The following GNA14 variants were observed in gnomAD, a reference collection of about 807,000 sequenced individuals.
GNA14 encodes G protein subunit alpha 14, also known as guanine nucleotide-binding protein subunit alpha-14.
In GNA14, 50 loss-of-function variants were observed where a neutral mutation model predicts 42.0. The ratio of observed to expected loss-of-function variants is 1.19; its 90% CI spans 0.95 to 1.51. The LOEUF is 1.51. Ranked by LOEUF, GNA14 falls within the 40% of genes most tolerant of loss-of-function variation. The pLI is 0.00. For missense variants in GNA14, 473 were observed against 446.2 expected (o/e 1.06, Z -0.54); for synonymous variants, 173 against 163.1 (o/e 1.06, Z -0.46).
At chr9:77,551,519 C>CG (rs946171871) in intron 1 of GNA14, among the ~76,000 whole-genome samples, 15 of 151,882 alleles carry the variant, frequency 9.9e-5, no homozygotes, top group Admixed American at 2.6e-4. Flanking sequence ...ACCCACCCCC[C>CG]CTTCAAGTGA....
chr9:77,560,027 G>A (rs1397625492), intron 1 of GNA14, among the ~76,000 whole-genome samples: 1 of 152,046 alleles, frequency 6.6e-6, no homozygotes, highest in African/African-American at 2.4e-5. Flanking sequence ...TACCTAGCGA[G>A]CTTTAAAAAA....
chr9:77,555,524 A>G (rs951719827), intron 1 of GNA14, among the ~76,000 whole-genome samples: 2 of 152,170 alleles, frequency 1.3e-5, no homozygotes, highest in Non-Finnish European at 2.9e-5. Flanking sequence ...AAACATCCCC[A>G]CATATATGCC....
chr9:77,625,149 G>A (rs1027823872), intron 1 of GNA14, among the ~76,000 whole-genome samples: 8 of 151,670 alleles, frequency 5.3e-5, no homozygotes, highest in Non-Finnish European at 7.4e-5. Context: ...GCAGAAGAAA[G>A]GGTATCAGAG....
intron 1 of GNA14, among the ~76,000 whole-genome samples, chr9:77,568,127 C>A (rs141971503): frequency 6.6e-6 from 1 of 152,204 alleles, no homozygotes; most frequent in Non-Finnish European, 1.5e-5. Context: ...CAGGTCCTGG[C>A]TCACCTAGCA....
At chr9:77,569,233 A>G (rs1165418054) in intron 1 of GNA14, among the ~76,000 whole-genome samples, 1 of 151,800 alleles carries the variant, frequency 6.6e-6, no homozygotes. Context: ...TGCTATTAAT[A>G]TATGTTTCAA....
intron 1 of GNA14, among the ~76,000 whole-genome samples, chr9:77,531,067 CT>C (rs1161162599): frequency 5.3e-5 from 8 of 152,346 alleles, no homozygotes; most frequent in African/African-American, 1.9e-4. Context: ...CTCAAAGTGC[CT>C]TGGATACCCA....
chr9:77,434,309 A>T, intron 3 of GNA14, 59 bp downstream of exon 3: 1 of 1,502,298 alleles, frequency 6.7e-7, no homozygotes. Flanking sequence ...AACTTCTTTG[A>T]AGTGTGGCCG....
At chr9:77,586,276 C>T (rs1420414183) in intron 1 of GNA14, among the ~76,000 whole-genome samples, 1 of 152,106 alleles carries the variant, frequency 6.6e-6, no homozygotes, top group Non-Finnish European at 1.5e-5. Context: ...TCATACATAT[C>T]CATACTATAT....
At chr9:77,619,176 C>T (rs973545217) in intron 1 of GNA14, among the ~76,000 whole-genome samples, 4 of 152,008 alleles carry the variant, frequency 2.6e-5, no homozygotes, top group African/African-American at 7.2e-5. Flanking sequence ...TCCACTCAGA[C>T]GTCAACCCAG....
chr9:77,451,624 A>T (rs2131704305), intron 2 of GNA14, among the ~76,000 whole-genome samples: 1 of 152,280 alleles, frequency 6.6e-6, no homozygotes, highest in Admixed American at 6.5e-5. Context: ...CCAAAAGATA[A>T]TATTGCCCCA....
intron 1 of GNA14, among the ~76,000 whole-genome samples, chr9:77,598,732 C>T (rs1823504618): frequency 6.6e-6 from 1 of 152,148 alleles, no homozygotes; most frequent in Non-Finnish European, 1.5e-5. Flanking sequence ...GACTGGAAGG[C>T]AAAATAGCAG....
chr9:77,429,404 G>T (rs115384841), intron 4 of GNA14, among the ~76,000 whole-genome samples: 2,312 of 152,288 alleles, frequency 0.015, 56 homozygotes, highest in African/African-American at 0.053. Flanking sequence ...GCAGCGGCCA[G>T]CTGTCTTCCG....
chr9:77,610,453 C>A lies in GNA14; in HGVS notation c.124+37217G>T, dbSNP rs548595644. 3.3e-5 allele frequency among the ~76,000 whole-genome samples: 5 copies of A among 152,230 alleles called. No individual in the cohort carries two copies. In the South Asian group the frequency reaches 1.0e-3, roughly 32 times the overall value. On this transcript the variant is annotated intron_variant, in intron 1 of 6. Coordinates refer to ENST00000341700, the MANE Select transcript of GNA14 (RefSeq NM_004297.4). ...ACCTTAAATGTTGAAGAGACAGAGG[C>A]AAAATCTCTGTTGTCTCTTTTTATA...
intron 2 of GNA14, among the ~76,000 whole-genome samples, chr9:77,464,581 A>G (rs563382490): frequency 6.6e-6 from 1 of 152,234 alleles, no homozygotes; most frequent in South Asian, 2.1e-4. Context: ...ATACCACACA[A>G]TTCATCCATT....
intron 2 of GNA14, among the ~76,000 whole-genome samples, chr9:77,469,365 TAAAAAAA>T (rs10537760): frequency 3.4e-5 from 4 of 116,934 alleles, no homozygotes; most frequent in Admixed American, 9.1e-5. Flanking sequence ...TAAACTGTGT[TAAAAAAA>T]AAAAAAAAAA....
chr9:77,551,551 A>G (rs1403379439), intron 1 of GNA14, among the ~76,000 whole-genome samples: 1 of 151,516 alleles, frequency 6.6e-6, no homozygotes, highest in East Asian at 2.0e-4. Context: ...TAGGTCATCA[A>G]GTTCTGAAGC....
intron 2 of GNA14, among the ~76,000 whole-genome samples, chr9:77,487,994 C>T (rs1836690552): frequency 6.6e-6 from 1 of 151,784 alleles, no homozygotes; most frequent in African/African-American, 2.4e-5. Context: ...ATACCAGGAC[C>T]ATCATCTAAA....
At chr9:77,637,684 A>G (rs2118023421) in intron 1 of GNA14, among the ~76,000 whole-genome samples, 1 of 152,216 alleles carries the variant, frequency 6.6e-6, no homozygotes, top group South Asian at 2.1e-4. Flanking sequence ...GCAAGACCCC[A>G]TCTCCAAAGA....
chr9:77,434,388 C>A lies in GNA14; in HGVS notation c.444G>T (p.Gln148His), dbSNP rs1305840719. Residue 148 changes from glutamine (Q) to histidine (H), a missense_variant, in exon 3 of 7, where the codon CAG (glutamine) becomes CAT (histidine). Transcript: ENST00000341700. Reference protein sequence around the residue: ...QECYDRRREYQLSDSAKYYLT... With the variant: ...QECYDRRREYHLSDSAKYYLT... ...CTCACTATTTGGCAGAGTCCGACAGCTGGTACTCCCTCCTCCTGTCGTAAC... is the reference window on the plus strand; with the variant it reads ...CTCACTATTTGGCAGAGTCCGACAGATGGTACTCCCTCCTCCTGTCGTAAC... The A allele has an allele frequency of 1.2e-6, 2 of 1,613,926 alleles. No individual in the cohort carries two copies. Among genetic ancestry groups the A allele is most frequent in the Admixed American group, 1.7e-5 (1 of 59,992 alleles).
Sources: allele counts gnomAD v4.1 joint callset (sites outside exome capture counted in the v4.1 genomes callset), GRCh38; gene constraint gnomAD v4.1.1; transcripts MANE v1.5; gene names NCBI Gene and HGNC (gene_info 2026-07-23, HGNC 2026-07-21).